Variants in ACTN1 observed in about 807,000 individuals in gnomAD.
ACTN1 encodes the protein alpha-actinin-1.
A neutral mutation model predicts 119.6 loss-of-function variants in ACTN1; 30 were observed. The observed-to-expected ratio is 0.25, with a 90% CI of 0.19 to 0.34. The LOEUF is 0.34. ACTN1 is among the 10% of genes least tolerant of loss of function. The pLI, the probability that ACTN1 is intolerant of heterozygous loss-of-function variation, is 1.00. For missense variants in ACTN1, 764 were observed against 1,223.4 expected (o/e 0.62, Z 5.60); for synonymous variants, 429 against 472.6 (o/e 0.91, Z 1.20).
intron 8 of ACTN1, among the ~76,000 whole-genome samples, chr14:68,896,850 T>C (rs763428830): frequency 2.6e-5 from 4 of 152,206 alleles, no homozygotes; most frequent in Non-Finnish European, 5.9e-5. Context: ...ATGTAACAGA[T>C]GTAACAGATA....
intron 1 of ACTN1, among the ~76,000 whole-genome samples, chr14:68,954,827 C>A (rs967547841): frequency 6.6e-6 from 1 of 152,204 alleles, no homozygotes; most frequent in African/African-American, 2.4e-5. Context: ...TCTATTAGAA[C>A]CTTGCCCTGG....
chr14:68,938,979 G>A (rs1050524745), intron 1 of ACTN1, among the ~76,000 whole-genome samples: 1 of 152,180 alleles, frequency 6.6e-6, no homozygotes, highest in African/African-American at 2.4e-5. Flanking sequence ...CATAGCACCA[G>A]ACACCCAGAG....
At chr14:68,930,017 A>G (rs960920531) in intron 1 of ACTN1, among the ~76,000 whole-genome samples, 2 of 152,240 alleles carry the variant, frequency 1.3e-5, no homozygotes, top group Non-Finnish European at 2.9e-5. Context: ...TACAGGTCTC[A>G]TAGCCTTGCT....
At chr14:68,978,781 C>T in intron 1 of ACTN1, 171 bp downstream of exon 1, 1 of 434,370 alleles carries the variant, frequency 2.3e-6, no homozygotes, top group Non-Finnish European at 4.0e-6. Flanking sequence ...CCCGCTTCCG[C>T]CAGGCGCCTG....
intron 3 of ACTN1, among the ~76,000 whole-genome samples, chr14:68,913,650 AG>A (rs138754437): frequency 0.018 from 2,793 of 152,242 alleles, 90 homozygotes; most frequent in African/African-American, 0.063. Flanking sequence ...GCCACCTCCC[AG>A]GGGAGCGGGT....
intron 1 of ACTN1, among the ~76,000 whole-genome samples, chr14:68,973,573 G>T (rs1431752775): frequency 2.0e-5 from 3 of 152,168 alleles, no homozygotes; most frequent in Non-Finnish European, 4.4e-5. Context: ...CCAGTCTTGG[G>T]TATGTCTTTA....
intron 8 of ACTN1, among the ~76,000 whole-genome samples, chr14:68,899,394 C>T (rs2033145602): frequency 2.0e-5 from 3 of 150,888 alleles, no homozygotes; most frequent in African/African-American, 4.9e-5. Flanking sequence ...CATACACACA[C>T]CTCACACACT....
chr14:68,942,665 G>A (rs1270248701), intron 1 of ACTN1, among the ~76,000 whole-genome samples: 2 of 152,220 alleles, frequency 1.3e-5, no homozygotes, highest in African/African-American at 4.8e-5. Flanking sequence ...GTGGGGTTGA[G>A]GGATCCGGAA....
intron 1 of ACTN1, among the ~76,000 whole-genome samples, chr14:68,930,755 C>A (rs2035186578): frequency 6.6e-6 from 1 of 152,040 alleles, no homozygotes; most frequent in Admixed American, 6.6e-5. Flanking sequence ...TAGCACCTAC[C>A]CAGAGGATTA....
intron 1 of ACTN1, among the ~76,000 whole-genome samples, chr14:68,948,867 C>T (rs374185837): frequency 1.2e-4 from 18 of 152,294 alleles, no homozygotes; most frequent in Admixed American, 7.2e-4. Flanking sequence ...CCTCCTGAGG[C>T]GCACGGGGCA....
chr14:68,887,483 A>G lies in ACTN1; in HGVS notation c.1235-1908T>C, dbSNP rs1027822157. On this transcript the variant is annotated intron_variant, in intron 11 of 21. Transcript: ENST00000394419. ...AATATGCTTTGTATTATAGGATATA[A>G]AAACTAACCCCCCCATCTATGGAAT... is the stretch of plus-strand genomic sequence containing the variant. 1.2e-5 allele frequency: 14 copies of G among 1,143,614 alleles called. No individual in the cohort carries two copies. The African/African-American group carries it at 2.1e-4, about 17-fold the overall frequency. 70.8% of individuals were successfully genotyped at this position (1,143,614 alleles called of 1,614,324 possible). A position where few individuals can be genotyped will look rare whatever the true frequency, so the allele number is the denominator to read the frequency against.
At position 68,884,841 on chromosome 14, in the gene ACTN1, G is replaced by T; in HGVS notation, c.1428C>A (p.Cys476Ter). Reference sequence around the variant, plus strand: ...TGTCCCACTGGTCACAGATCTTTTGGCAACGGGCGTTGACACTGGGTGAGT... The same window carrying T: ...TGTCCCACTGGTCACAGATCTTTTGTCAACGGGCGTTGACACTGGGTGAGT... Reference protein sequence around the residue: ...YYDSPSVNARCQKICDQWDNL... With the variant: ...YYDSPSVNAR Residue 476 changes from cysteine (C) to a stop codon, truncating the protein, a stop_gained, in exon 13 of 22, where the codon TGC becomes TGA. Transcript: ENST00000394419. LOFTEE classifies it high-confidence loss of function. 6.2e-7 allele frequency: 1 copy of T among 1,614,150 alleles called. No homozygotes were observed. Among genetic ancestry groups the T allele is most frequent in the Non-Finnish European group, 8.5e-7 (1 of 1,179,986 alleles).
chr14:68,874,816 G>T lies in ACTN1; in HGVS notation c.*43C>A, dbSNP rs1444871868. ...AGATGGGCGACGGCGGAGGTGCAAGGCAGGGCACGGCGCACAAGACGAGGG... is the reference window on the plus strand; with the variant it reads ...AGATGGGCGACGGCGGAGGTGCAAGTCAGGGCACGGCGCACAAGACGAGGG... On this transcript the variant is annotated 3_prime_UTR_variant, in exon 22 of 22. Transcript: ENST00000394419. The T allele has an allele frequency of 1.2e-5, 18 of 1,511,048 alleles. No homozygotes were observed. Among genetic ancestry groups the T allele is most frequent in the Non-Finnish European group, 1.3e-5 (15 of 1,124,902 alleles). The allele number at this position is 1,511,048 out of a possible 1,614,324, so 93.6% of individuals were successfully genotyped here.
At position 68,925,664 on chromosome 14, in the gene ACTN1, C is replaced by T. The variant is rs905615042; in HGVS notation, c.114G>A (p.Thr38=). ...TCCGGAGGTGGGAGTTACACCATGC[C>T]GTGAATGTCTGGGCAGAGACAAGAA... ...AWEKQQRKTF[T]AWCNSHLRKA... Residue 38 remains threonine (T), a synonymous_variant, in exon 2 of 22, where the codon ACG becomes ACA. Transcript: ENST00000394419. This position sits in a 1 kb window ranked among gnomAD's most constrained non-coding sequence, Gnocchi z 4.3. 13 of 1,610,820 alleles carry T rather than the reference C, an allele frequency of 8.1e-6. No individual in the cohort carries two copies. In the Admixed American group the frequency reaches 1.2e-4, roughly 15 times the overall value.
intron 1 of ACTN1, among the ~76,000 whole-genome samples, chr14:68,943,954 C>T (rs2035847661): frequency 6.6e-6 from 1 of 152,178 alleles, no homozygotes; most frequent in Admixed American, 6.5e-5. Context: ...GGGGACTCAT[C>T]CAGCTCTGCC....
intron 4 of ACTN1, among the ~76,000 whole-genome samples, chr14:68,911,380 T>C (rs1461365892): frequency 6.6e-6 from 1 of 152,180 alleles, no homozygotes; most frequent in Non-Finnish European, 1.5e-5. Context: ...ACTATGACCC[T>C]CTTTCCAACC....
chr14:68,875,035 T>C lies in ACTN1; in HGVS notation c.2587-18A>G, dbSNP rs771727287. 1.2e-6 allele frequency: 2 copies of C among 1,611,264 alleles called. No homozygotes were observed. Among genetic ancestry groups the C allele is most frequent in the Non-Finnish European group, 1.7e-6 (2 of 1,179,838 alleles). On this transcript the variant is annotated intron_variant, in intron 21 of 21. Transcript: ENST00000394419. ...ATGTAGTTCTGCGAGGAGAGAGTGG[T>C]CAGGAAGGCCGCAAAGTCCAGCAGC...
At chr14:68,951,486 G>A (rs2036166896) in intron 1 of ACTN1, among the ~76,000 whole-genome samples, 1 of 152,182 alleles carries the variant, frequency 6.6e-6, no homozygotes. Context: ...CAACATAAAT[G>A]CCCAAGGAGG....
At chr14:68,890,804 T>C (rs2032421586) in intron 10 of ACTN1, among the ~76,000 whole-genome samples, 1 of 152,184 alleles carries the variant, frequency 6.6e-6, no homozygotes, top group Non-Finnish European at 1.5e-5. Flanking sequence ...CCGGCCAGAA[T>C]TCTGGGAGGA....
Sources: gnomAD v4.1 joint callset for allele counts (sites outside exome capture counted in the v4.1 genomes callset) on GRCh38, gnomAD v4.1.1 for gene constraint, Gnocchi (gnomAD v3.1) non-coding constraint, MANE v1.5 for transcripts, NCBI Gene and HGNC (gene_info 2026-07-23, HGNC 2026-07-21) for gene names.